The following ARRB1 variants were observed in gnomAD, a reference collection of about 807,000 sequenced individuals.
ARRB1 encodes arrestin beta 1, also known as beta-arrestin-1.
Under a neutral mutation model 56.8 loss-of-function variants are expected in ARRB1, and 21 were observed. The ratio of observed to expected loss-of-function variants is 0.37; its 90% CI spans 0.26 to 0.53. The LOEUF is 0.53. Ranked by LOEUF, ARRB1 falls within the 20% of genes least tolerant of loss-of-function variation. The pLI is 0.88. For synonymous variants in ARRB1, 210 were observed against 218.6 expected, an observed-to-expected ratio of 0.96 and a Z score of 0.35; for missense variants, 424 against 553.7, an observed-to-expected ratio of 0.77 and a Z score of 2.35.
At chr11:75,266,337 G>A in intron 15 of ARRB1, 63 bp from the exon 16 acceptor site, 1 of 1,371,960 alleles carries the variant, frequency 7.3e-7, no homozygotes, top group Non-Finnish European at 1.0e-6. Flanking sequence ...GGCTTATCCA[G>A]AGGCCCGGCC....
intron 1 of ARRB1, among the ~76,000 whole-genome samples, chr11:75,297,864 CAAAAAAAAAAA>C (rs34831668): frequency 3.1e-4 from 9 of 29,268 alleles, no homozygotes; most frequent in East Asian, 2.3e-3. Context: ...GACTTTGTCT[CAAAAAAAAAAA>C]AAAAAAAAAA....
At chr11:75,289,084 G>A (rs1381050776) in intron 2 of ARRB1, among the ~76,000 whole-genome samples, 2 of 152,206 alleles carry the variant, frequency 1.3e-5, no homozygotes, top group Admixed American at 6.5e-5. Context: ...GTGCAGCAGG[G>A]AAGGGCAATG....
At chr11:75,286,433 A>C in intron 3 of ARRB1, among the ~76,000 whole-genome samples, 1 of 146,738 alleles carries the variant, frequency 6.8e-6, no homozygotes, top group Non-Finnish European at 1.5e-5. Flanking sequence ...ATGCTCGGCT[A>C]TTTTTTTTTT....
At chr11:75,282,161 C>A in intron 5 of ARRB1, 140 bp from the exon 6 acceptor site, 1 of 764,182 alleles carries the variant, frequency 1.3e-6, no homozygotes, top group Non-Finnish European at 2.2e-6. Flanking sequence ...CAGACCATGC[C>A]AAGCCATGCC....
intron 13 of ARRB1, chr11:75,271,264 T>A (rs1946069660): frequency 6.4e-6 from 1 of 157,252 alleles, no homozygotes; most frequent in Non-Finnish European, 1.4e-5. Flanking sequence ...TTTTGGAATA[T>A]AAGTGCATCC....
rs367934969 is a variant in ARRB1, at chr11:75,338,802, CA to C, written c.20+12785del. 7.3e-5 allele frequency among the ~76,000 whole-genome samples: 11 copies of C among 151,144 alleles called. No homozygotes were observed. In the East Asian group the frequency reaches 1.7e-3, roughly 24 times the overall value. ...TTTAGAATGTCAAAAAAATCTGTTG[CA>C]AAAAAAAATCTCCTTATTGAGTTTT... On this transcript the variant is annotated intron_variant, in intron 1 of 15. Coordinates refer to ENST00000420843, the MANE Select transcript of ARRB1 (RefSeq NM_004041.5).
intron 1 of ARRB1, among the ~76,000 whole-genome samples, chr11:75,299,551 T>A (rs901113278): frequency 5.9e-5 from 9 of 152,088 alleles, no homozygotes; most frequent in Non-Finnish European, 1.0e-4. Context: ...CCAGGATCCA[T>A]GTTTCTGTGA....
At chr11:75,322,322 A>G (rs1171831100) in intron 1 of ARRB1, among the ~76,000 whole-genome samples, 7 of 152,226 alleles carry the variant, frequency 4.6e-5, no homozygotes, top group African/African-American at 1.4e-4. Flanking sequence ...TCTGGCCAAC[A>G]TGGCAAAACC....
At chr11:75,268,291 G>C (rs1945983159) in intron 14 of ARRB1, among the ~76,000 whole-genome samples, 1 of 152,022 alleles carries the variant, frequency 6.6e-6, no homozygotes, top group Admixed American at 6.6e-5. Context: ...GATCACCTGA[G>C]GTCAGGAGTT....
intron 1 of ARRB1, among the ~76,000 whole-genome samples, chr11:75,291,660 G>A (rs1946614539): frequency 6.6e-6 from 1 of 152,180 alleles, no homozygotes. Context: ...GTAATTGTTG[G>A]GAGGGAGAGA....
At chr11:75,318,077 G>T (rs999036628) in intron 1 of ARRB1, among the ~76,000 whole-genome samples, 1 of 151,336 alleles carries the variant, frequency 6.6e-6, no homozygotes, top group East Asian at 1.9e-4. Context: ...TAAAAAACAG[G>T]TTGCTGGGGC....
chr11:75,281,924 C>A (rs958469895), intron 6 of ARRB1, 38 bp downstream of exon 6: 2 of 1,606,242 alleles, frequency 1.2e-6, no homozygotes, highest in African/African-American at 2.7e-5. Context: ...ACATGAGACT[C>A]CTGGAGCCAG....
intron 1 of ARRB1, chr11:75,311,942 G>A (rs1431303214): frequency 7.5e-6 from 7 of 939,458 alleles, no homozygotes; most frequent in Admixed American, 4.9e-5. Context: ...AGAGGGGACG[G>A]CCGGCAGAGG....
At chr11:75,316,957 T>C (rs1199126619) in intron 1 of ARRB1, among the ~76,000 whole-genome samples, 2 of 152,034 alleles carry the variant, frequency 1.3e-5, no homozygotes, top group Non-Finnish European at 2.9e-5. Flanking sequence ...TCCCAGCTAC[T>C]CGGGAGACTG....
At chr11:75,331,450 C>A (rs1947517788) in intron 1 of ARRB1, among the ~76,000 whole-genome samples, 2 of 152,204 alleles carry the variant, frequency 1.3e-5, no homozygotes, top group Admixed American at 1.3e-4. Context: ...TGCACGTATA[C>A]ATCCAGATGG....
chr11:75,284,374 G>T, intron 3 of ARRB1, 95 bp from the exon 4 acceptor site: 1 of 1,278,918 alleles, frequency 7.8e-7, no homozygotes, highest in Non-Finnish European at 1.1e-6. Context: ...CCAACCATCT[G>T]TTCATCTAAA....
chr11:75,310,252 C>CA (rs1172761272), intron 1 of ARRB1, among the ~76,000 whole-genome samples: 2 of 152,174 alleles, frequency 1.3e-5, no homozygotes, highest in African/African-American at 2.4e-5. Flanking sequence ...ACACAGCCTG[C>CA]TCCAGGGTGT....
Position 75,273,063 on chromosome 11 carries a change from G to A in ARRB1, c.915-85C>T, listed in dbSNP as rs571768474. 6 of 1,163,916 alleles carry A rather than the reference G, an allele frequency of 5.2e-6. No homozygotes were observed. In the East Asian group the frequency reaches 1.5e-4, roughly 29 times the overall value. The allele number at this position is 1,163,916 out of a possible 1,614,324, so 72.1% of individuals were successfully genotyped here. A position where few individuals can be genotyped will look rare whatever the true frequency, so the allele number is the denominator to read the frequency against. ...GGGGTGGGTATGCTGGGGGGCAGTG[G>A]CCGTCCATCCCCCATCTGGCTAGCC... is the stretch of plus-strand genomic sequence containing the variant. On this transcript the variant is annotated intron_variant, in intron 11 of 15. Transcript: ENST00000420843.
At chr11:75,280,784 T>A (rs1946316617) in intron 7 of ARRB1, among the ~76,000 whole-genome samples, 1 of 152,046 alleles carries the variant, frequency 6.6e-6, no homozygotes, top group Non-Finnish European at 1.5e-5. Flanking sequence ...CAAAACAAAT[T>A]AAAAAGACAT....
Sources: gnomAD v4.1 joint callset for allele counts (sites outside exome capture counted in the v4.1 genomes callset) on GRCh38, gnomAD v4.1.1 for gene constraint, MANE v1.5 for transcripts, NCBI Gene and HGNC (gene_info 2026-07-23, HGNC 2026-07-21) for gene names.